Variants in SOX5 observed in about 807,000 individuals in gnomAD.
The protein encoded by SOX5 is transcription factor SOX-5.
Under a neutral mutation model 92.0 loss-of-function variants are expected in SOX5, and 9 were observed. The ratio of observed to expected loss-of-function variants is 0.10; its 90% confidence interval spans 0.06 to 0.17. SOX5 has a LOEUF of 0.17. Among genes scored for constraint, SOX5 ranks in the 10% least tolerant of loss-of-function variants. SOX5 has a pLI of 1.00. For missense variants in SOX5, 642 were observed against 944.5 expected (o/e 0.68, Z 4.20); for synonymous variants, 344 against 336.3 (o/e 1.02, Z -0.25).
chr12:23,784,699 T>C (rs750594136), intron 3 of SOX5, among the ~76,000 whole-genome samples: 1 of 152,204 alleles, frequency 6.6e-6, no homozygotes, highest in Non-Finnish European at 1.5e-5. Flanking sequence ...AGAATGGTGT[T>C]GTGTGAGTAC....
In SOX5 at chr12:24,490,088, T is replaced by G. The variant is rs1319059473; in HGVS notation, c.-251+72241A>C. 2.0e-5 allele frequency among the ~76,000 whole-genome samples: 3 copies of G among 152,220 alleles called. No individual in the cohort carries two copies. The East Asian group carries it at 5.8e-4, about 29-fold the overall frequency. On this transcript the variant is annotated intron_variant, in intron 1 of 4. Transcript: ENST00000446891. ...TGCAGTGGATGGCAGACTTCATACA[T>G]TCAGCGCACTGCTTTGCCACATTTG...
At chr12:23,855,665 G>A (rs1380720082) in intron 2 of SOX5, among the ~76,000 whole-genome samples, 4 of 151,994 alleles carry the variant, frequency 2.6e-5, no homozygotes, top group Non-Finnish European at 5.9e-5. Flanking sequence ...GGAAAAATAT[G>A]AAACAACAAT....
At chr12:23,948,948 C>G (rs571501953) in intron 1 of SOX5, among the ~76,000 whole-genome samples, 3 of 152,258 alleles carry the variant, frequency 2.0e-5, no homozygotes, top group African/African-American at 7.2e-5. Context: ...AGAAAGGGAA[C>G]AGCTCCATTT....
chr12:24,005,894 T>C (rs1952105227), intron 4 of SOX5, among the ~76,000 whole-genome samples: 1 of 152,202 alleles, frequency 6.6e-6, no homozygotes, highest in Admixed American at 6.5e-5. Flanking sequence ...CTAGGAAATA[T>C]TTACTGTATA....
chr12:24,478,962 G>A (rs760780002), intron 1 of SOX5, among the ~76,000 whole-genome samples: 39 of 152,134 alleles, frequency 2.6e-4, no homozygotes, highest in Admixed American at 1.1e-3. Flanking sequence ...CTTATTGAAG[G>A]ACTCCTATTA....
At chr12:24,189,431 A>G (rs1278610528) in intron 4 of SOX5, among the ~76,000 whole-genome samples, 1 of 152,212 alleles carries the variant, frequency 6.6e-6, no homozygotes, top group Non-Finnish European at 1.5e-5. Context: ...TTGATAGGTG[A>G]TTTCAAATAT....
At chr12:24,453,252 C>T (rs188124415) in intron 1 of SOX5, among the ~76,000 whole-genome samples, 3 of 151,734 alleles carry the variant, frequency 2.0e-5, no homozygotes, top group Non-Finnish European at 4.4e-5. Flanking sequence ...AAGTTAAATG[C>T]TAGAATTTTT....
intron 2 of SOX5, among the ~76,000 whole-genome samples, chr12:24,289,455 T>TGAAAGCCTTAGAAGATAGAGCTA (rs1565836087): frequency 3.7e-4 from 2 of 5,358 alleles, no homozygotes; most frequent in African/African-American, 4.3e-4. Context: ...ATTTGTATCT[T>TGAAAGCCTTAGAAGATAGAGCTA]TTTTTTTTTT....
chr12:23,838,735 T>C (rs1023043381), intron 3 of SOX5, among the ~76,000 whole-genome samples: 1 of 151,994 alleles, frequency 6.6e-6, no homozygotes, highest in Non-Finnish European at 1.5e-5. Context: ...CGTTTCTTTG[T>C]GTCTACATTT....
intron 4 of SOX5, among the ~76,000 whole-genome samples, chr12:24,085,956 TAA>T (rs144400872): frequency 0.29 from 39,838 of 138,316 alleles, 5,870 homozygotes; most frequent in East Asian, 0.62. Flanking sequence ...ACGGATATGC[TAA>T]AAAAAAAAAA....
intron 2 of SOX5, among the ~76,000 whole-genome samples, chr12:24,313,191 G>C (rs1470307668): frequency 6.6e-6 from 1 of 152,028 alleles, no homozygotes; most frequent in Non-Finnish European, 1.5e-5. Flanking sequence ...CTACTTAAAT[G>C]ATCTAGCTCA....
intron 1 of SOX5, among the ~76,000 whole-genome samples, chr12:24,525,399 A>C (rs1950611859): frequency 6.6e-6 from 1 of 152,178 alleles, no homozygotes; most frequent in South Asian, 2.1e-4. Flanking sequence ...GGGAGTTGAT[A>C]ATCAACAGGC....
intron 7 of SOX5, among the ~76,000 whole-genome samples, chr12:23,658,689 G>C (rs566988014): frequency 6.6e-6 from 1 of 152,094 alleles, no homozygotes; most frequent in Non-Finnish European, 1.5e-5. Flanking sequence ...GTAGGAGTTC[G>C]AAACCAGGCT....
At chr12:23,779,870 T>C (rs774051607) in intron 3 of SOX5, among the ~76,000 whole-genome samples, 1 of 146,594 alleles carries the variant, frequency 6.8e-6, no homozygotes, top group South Asian at 2.2e-4. Flanking sequence ...TATATGTGCA[T>C]ACATGACTAA....
chr12:23,878,438 A>G (rs553731649), intron 2 of SOX5, among the ~76,000 whole-genome samples: 3 of 152,190 alleles, frequency 2.0e-5, no homozygotes, highest in South Asian at 2.1e-4. Context: ...ATAAATATTT[A>G]TGATGTTTTA....
chr12:23,961,415 T>C (rs1173791290), intron 4 of SOX5, among the ~76,000 whole-genome samples: 1 of 152,158 alleles, frequency 6.6e-6, no homozygotes, highest in East Asian at 1.9e-4. Context: ...CTACATATCA[T>C]GAATTTCATG....
chr12:24,226,117 A>T (rs1961894082), intron 3 of SOX5, among the ~76,000 whole-genome samples: 1 of 152,202 alleles, frequency 6.6e-6, no homozygotes, highest in African/African-American at 2.4e-5. Context: ...AATATCTAAC[A>T]TCTCAGATAT....
At chr12:24,012,538 T>G (rs1466262228) in intron 4 of SOX5, among the ~76,000 whole-genome samples, 1 of 152,198 alleles carries the variant, frequency 6.6e-6, no homozygotes, top group Non-Finnish European at 1.5e-5. Flanking sequence ...TGATCAATCT[T>G]TGAATATCTC....
chr12:24,137,191 T>C (rs1456940845), intron 4 of SOX5, among the ~76,000 whole-genome samples: 1 of 152,244 alleles, frequency 6.6e-6, no homozygotes, highest in Non-Finnish European at 1.5e-5. Flanking sequence ...CAGTCATTAC[T>C]GACAATTATG....
Sources: gnomAD v4.1 joint callset for allele counts (sites outside exome capture counted in the v4.1 genomes callset) on GRCh38, gnomAD v4.1.1 for gene constraint, MANE v1.5 for transcripts, NCBI Gene and HGNC (gene_info 2026-07-23, HGNC 2026-07-21) for gene names.